Variants in MMS22L observed in about 807,000 individuals in gnomAD.
The protein encoded by MMS22L is MMS22 like, DNA repair protein.
MMS22L carries 74 observed loss-of-function variants against 159.1 expected under a neutral mutation model. The observed-to-expected ratio is 0.47, with a 90% CI of 0.39 to 0.56. MMS22L has a LOEUF of 0.56. MMS22L is among the 20% of genes least tolerant of loss of function. The pLI is 0.00. For synonymous variants in MMS22L, 517 were observed against 506.9 expected (o/e 1.02, Z -0.27); for missense variants, 1,351 against 1,422.1 (o/e 0.95, Z 0.80).
At chr6:97,252,707 T>C (rs1038389916) in intron 10 of MMS22L, among the ~76,000 whole-genome samples, 2 of 151,752 alleles carry the variant, frequency 1.3e-5, no homozygotes, top group African/African-American at 4.8e-5. Context: ...GCACCTAATA[T>C]TATGCAAATA....
intron 17 of MMS22L, among the ~76,000 whole-genome samples, chr6:97,178,835 G>A (rs971681721): frequency 4.2e-4 from 64 of 152,044 alleles, no homozygotes; most frequent in African/African-American, 1.4e-3. Context: ...AAATAAATTT[G>A]GAGGATTTTT....
chr6:97,169,262 T>G (rs1803280085), intron 19 of MMS22L, among the ~76,000 whole-genome samples: 1 of 152,098 alleles, frequency 6.6e-6, no homozygotes, highest in East Asian at 1.9e-4. Context: ...TAATAAAGCT[T>G]AACAAATGAG....
intron 14 of MMS22L, among the ~76,000 whole-genome samples, chr6:97,223,460 G>T (rs1041309088): frequency 1.3e-5 from 2 of 152,030 alleles, no homozygotes; most frequent in African/African-American, 4.8e-5. Flanking sequence ...CTTAACTAAA[G>T]GGGGCGGCGA....
Position 97,272,968 on chromosome 6 carries a change from A to C in MMS22L, c.428+7T>G. On this transcript the variant is annotated splice_region_variant and intron_variant, in intron 5 of 24. Coordinates refer to ENST00000683635, the MANE Select transcript of MMS22L (RefSeq NM_001350599.2). ...GCAGTGATCAAAATACTCATCTGATATCCTACCTGAAGATGAAAACTTTAA... is the reference window on the plus strand; with the variant it reads ...GCAGTGATCAAAATACTCATCTGATCTCCTACCTGAAGATGAAAACTTTAA... The C allele has an allele frequency of 6.2e-7, 1 of 1,610,820 alleles. No individual in the cohort carries two copies. The highest frequency in any genetic ancestry group is 8.5e-7 in the Non-Finnish European group (1 of 1,178,526).
At chr6:97,199,277 G>A (rs1343734904) in intron 14 of MMS22L, among the ~76,000 whole-genome samples, 1 of 152,124 alleles carries the variant, frequency 6.6e-6, no homozygotes, top group Non-Finnish European at 1.5e-5. Context: ...CCATTTGTGA[G>A]CATTTTTCCT....
intron 19 of MMS22L, 137 bp downstream of exon 19, chr6:97,172,926 G>C: frequency 1.3e-6 from 1 of 747,528 alleles, no homozygotes; most frequent in East Asian, 3.1e-5. Context: ...ATTATTTTAA[G>C]CTAAATCACT....
intron 14 of MMS22L, among the ~76,000 whole-genome samples, chr6:97,191,803 C>T (rs1455328162): frequency 2.0e-5 from 3 of 152,184 alleles, no homozygotes; most frequent in Admixed American, 1.3e-4. Context: ...ACAGGGCTTA[C>T]TCTGCCTTAT....
At chr6:97,278,248 T>C (rs541024956) in intron 4 of MMS22L, among the ~76,000 whole-genome samples, 2 of 151,588 alleles carry the variant, frequency 1.3e-5, no homozygotes, top group East Asian at 3.9e-4. Context: ...ACTAAAAATA[T>C]AAAAATTAGC....
rs1810607857 is a variant in MMS22L, at chr6:97,229,349, T to C, written c.1584A>G (p.Leu528=). 6 of 1,608,002 alleles carry C rather than the reference T, an allele frequency of 3.7e-6. No homozygotes were observed. The highest frequency in any genetic ancestry group is 1.7e-5 in the Admixed American group (1 of 58,750). Residue 528 remains leucine (L), a synonymous_variant, in exon 14 of 25, where the codon CTA becomes CTG. Coordinates refer to ENST00000683635, the MANE Select transcript of MMS22L (RefSeq NM_001350599.2). ...KRMEELTEVG[L]QNFFSLFLLL... is the part of the protein sequence containing the mutation. ...GTAGAAAAAGGCTAAAAAAGTTCTG[T>C]AGACCAACTTCAGTTAGTTCTTCCA...
Position 97,162,001 on chromosome 6 carries a change from C to T in MMS22L, c.3385+1G>A, listed in dbSNP as rs780633214. 6.2e-7 allele frequency: 1 copy of T among 1,605,076 alleles called. No homozygotes were observed. On this transcript the variant is annotated splice_donor_variant, in intron 22 of 24. Coordinates refer to ENST00000683635, the MANE Select transcript of MMS22L (RefSeq NM_001350599.2). LOFTEE classifies it high-confidence loss of function. The stretch of plus-strand genomic sequence containing the variant: ...TAACAAAAATAAGCTTACAAACAAA[C>T]CTTGTGGTTCACTGACTAACACCAA...
At chr6:97,174,458 G>A (rs1186218252) in intron 18 of MMS22L, among the ~76,000 whole-genome samples, 1 of 152,092 alleles carries the variant, frequency 6.6e-6, no homozygotes, top group Non-Finnish European at 1.5e-5. Flanking sequence ...CTGAGCCAAG[G>A]TTGAGGGTTT....
chr6:97,227,930 C>T lies in MMS22L; in HGVS notation c.2039+964G>A, dbSNP rs190389668. 2.6e-5 allele frequency among the ~76,000 whole-genome samples: 4 copies of T among 152,302 alleles called. No homozygotes were observed. In the East Asian group the frequency reaches 7.7e-4, roughly 29 times the overall value. Reference sequence around the variant, plus strand: ...TGTCTGAGTGTATTTAACATATCTGCATAATTTAAGTGGATCTGAAAAACA... The same window carrying T: ...TGTCTGAGTGTATTTAACATATCTGTATAATTTAAGTGGATCTGAAAAACA... On this transcript the variant is annotated intron_variant, in intron 14 of 24. Coordinates refer to ENST00000683635, the MANE Select transcript of MMS22L (RefSeq NM_001350599.2).
Position 97,173,092 on chromosome 6 carries a change from G to A in MMS22L, c.2810C>T (p.Ala937Val), listed in dbSNP as rs1803717135. The A allele has an allele frequency of 6.2e-7, 1 of 1,612,892 alleles. No homozygotes were observed. The change falls in exon 19 of 25, where the codon GCA becomes GTA. Residue 937 changes from alanine (A) to valine (V), a missense_variant. By Grantham distance (64) the Ala-to-Val change is moderately conservative (BLOSUM62 0). Coordinates refer to ENST00000683635, the MANE Select transcript of MMS22L (RefSeq NM_001350599.2). ...CATTCCATAAGTCAGCTGCAGCCCT[G>A]CACTGAAAACTTTTTTTCCCAAATA... Reference protein sequence around the residue: ...KPYLGKKVFSAGLQLTYGMMG... With the variant: ...KPYLGKKVFSVGLQLTYGMMG...
At chr6:97,267,642 T>TA (rs58513290) in intron 8 of MMS22L, 3,366 of 191,474 alleles carry the variant, frequency 0.018, no homozygotes, top group Middle Eastern at 0.025. Context: ...CTATTTTTCT[T>TA]AAAAAAAAAA....
chr6:97,267,199 T>C (rs994472849), intron 8 of MMS22L: 3 of 152,152 alleles, frequency 2.0e-5, no homozygotes, highest in African/African-American at 7.2e-5. Flanking sequence ...AAAATATTGA[T>C]AATGCATAAA....
intron 13 of MMS22L, chr6:97,230,400 T>C (rs895037481): frequency 7.9e-5 from 12 of 151,840 alleles, no homozygotes; most frequent in African/African-American, 2.4e-4. Flanking sequence ...CCACCACACC[T>C]GGCCTTAAGT....
chr6:97,151,525 T>C (rs1801314940), intron 23 of MMS22L: 1 of 420,894 alleles, frequency 2.4e-6, no homozygotes, highest in South Asian at 2.3e-5. Flanking sequence ...TGACTGTTCA[T>C]GCAAGATTCT....
At chr6:97,251,515 A>G (rs770766573) in intron 10 of MMS22L, among the ~76,000 whole-genome samples, 28 of 152,176 alleles carry the variant, frequency 1.8e-4, no homozygotes, top group Non-Finnish European at 3.5e-4. Context: ...TCATATATAA[A>G]GGCAAAGTTT....
intron 14 of MMS22L, among the ~76,000 whole-genome samples, chr6:97,221,041 A>C (rs1029591570): frequency 6.6e-6 from 1 of 151,908 alleles, no homozygotes; most frequent in Non-Finnish European, 1.5e-5. Flanking sequence ...ATAACGAAGA[A>C]ATGATTATGA....
Sources: gnomAD v4.1 joint callset for allele counts (sites outside exome capture counted in the v4.1 genomes callset) on GRCh38, gnomAD v4.1.1 for gene constraint, MANE v1.5 for transcripts, NCBI Gene and HGNC (gene_info 2026-07-23, HGNC 2026-07-21) for gene names.